The following SEPTIN10 variants were observed in gnomAD, a reference collection of about 807,000 sequenced individuals.
The protein encoded by SEPTIN10 is septin 10.
In SEPTIN10, 66 loss-of-function variants were observed where a neutral mutation model predicts 54.8. The ratio of observed to expected loss-of-function variants is 1.21; its 90% confidence interval spans 0.99 to 1.48. SEPTIN10 has a LOEUF of 1.48. Ranked by LOEUF, SEPTIN10 falls within the 40% of genes most tolerant of loss-of-function variation. SEPTIN10 has a pLI of 0.00. For synonymous variants in SEPTIN10, 161 were observed against 181.0 expected (o/e 0.89, Z 0.89); for missense variants, 620 against 545.6 (o/e 1.14, Z -1.36).
chr2:109,582,880 T>C (rs1264023947), intron 4 of SEPTIN10, among the ~76,000 whole-genome samples: 2 of 152,152 alleles, frequency 1.3e-5, no homozygotes, highest in East Asian at 3.9e-4. Context: ...GCCGCACACC[T>C]ACAGGCATCT....
At chr2:109,602,419 TAATGCCAGCACCTTGGGAGGCCAAGG>T (rs1278470362) in intron 1 of SEPTIN10, among the ~76,000 whole-genome samples, 1 of 152,166 alleles carries the variant, frequency 6.6e-6, no homozygotes, top group African/African-American at 2.4e-5. Flanking sequence ...CTCACGCCTG[TAATGCCAGCACCTTGGGAGGCCAAGG>T]CGGGTGGATC....
At chr2:109,545,205 C>T in intron 10 of SEPTIN10, 2 of 985,328 alleles carry the variant, frequency 2.0e-6, no homozygotes, top group Non-Finnish European at 2.4e-6. Context: ...CAGAGTCCCC[C>T]AAATGAGCAT....
chr2:109,583,962 T>C (rs1293995785), intron 4 of SEPTIN10, among the ~76,000 whole-genome samples: 1 of 152,066 alleles, frequency 6.6e-6, no homozygotes, highest in Non-Finnish European at 1.5e-5. Context: ...GATATAAAGA[T>C]GGCAACAACA....
In SEPTIN10 at chr2:109,560,883, T is replaced by C. The variant is rs563218084; in HGVS notation, c.1028+3483A>G. Among the ~76,000 whole-genome samples, 9 of 152,332 alleles carry C rather than the reference T, an allele frequency of 5.9e-5. No individual in the cohort carries two copies. The South Asian group carries it at 1.9e-3, about 32-fold the overall frequency. ...ACCACTAAGTTCTTCCAATTTTACCTTCTAGTCATCTCTCAAATATGTCCA... is the reference window on the plus strand; with the variant it reads ...ACCACTAAGTTCTTCCAATTTTACCCTCTAGTCATCTCTCAAATATGTCCA... On this transcript the variant is annotated intron_variant, in intron 8 of 10. Coordinates refer to ENST00000397712, the MANE Select transcript of SEPTIN10 (RefSeq NM_144710.5).
At chr2:109,587,898 G>A (rs1692954667) in intron 2 of SEPTIN10, among the ~76,000 whole-genome samples, 1 of 150,636 alleles carries the variant, frequency 6.6e-6, no homozygotes. Context: ...GGGTGACAGA[G>A]CAAGACTCCA....
At chr2:109,553,904 C>T (rs1157825941) in intron 8 of SEPTIN10, among the ~76,000 whole-genome samples, 1 of 151,586 alleles carries the variant, frequency 6.6e-6, no homozygotes, top group African/African-American at 2.4e-5. Flanking sequence ...CAAGTGCTCA[C>T]CTAATGCCAT....
At chr2:109,545,900 G>T (rs1351092716) in intron 10 of SEPTIN10, 150 bp downstream of exon 10, 1 of 1,444,002 alleles carries the variant, frequency 6.9e-7, no homozygotes, top group East Asian at 2.3e-5. Flanking sequence ...GAACAAGAGG[G>T]ACAAGGTCTC....
intron 4 of SEPTIN10, among the ~76,000 whole-genome samples, chr2:109,581,529 A>G (rs1029363037): frequency 1.1e-4 from 14 of 126,508 alleles, no homozygotes; most frequent in Middle Eastern, 4.3e-3. Flanking sequence ...AAGGTCTGGG[A>G]AAAAAAAAAA....
rs779435209 is a variant in SEPTIN10, at chr2:109,553,107, A to G, written c.1141T>C (p.Leu381=). Residue 381 remains leucine, a synonymous_variant, in exon 9 of 11, where the codon TTG becomes CTG. Coordinates refer to ENST00000397712, the MANE Select transcript of SEPTIN10 (RefSeq NM_144710.5). ...VQRVKEKEAI[L]KEAERELQAK... ...CTTGCCTCTCTCTCAGCTTCTTTCAATATGGCTTCTTTCTCCTTTACTCGC... is the reference window on the plus strand; with the variant it reads ...CTTGCCTCTCTCTCAGCTTCTTTCAGTATGGCTTCTTTCTCCTTTACTCGC... 6 of 1,613,010 alleles carry G rather than the reference A, an allele frequency of 3.7e-6. No individual in the cohort carries two copies. The African/African-American group carries it at 5.3e-5, about 14-fold the overall frequency.
chr2:109,600,549 A>C lies in SEPTIN10; in HGVS notation c.31-7430T>G, dbSNP rs73953171. Among the ~76,000 whole-genome samples, 901 of 152,122 alleles carry C rather than the reference A, an allele frequency of 5.9e-3. 17 individuals carry two copies. The highest frequency in any genetic ancestry group is 0.021 in the African/African-American group (853 of 41,518). ...ATTAGCAATGAGTTGAAAAAAAAAA[A>C]AAACCACAAACTGTTTTTCCTCTGC... On this transcript the variant is annotated intron_variant, in intron 1 of 10. Coordinates refer to ENST00000397712, the MANE Select transcript of SEPTIN10 (RefSeq NM_144710.5).
intron 6 of SEPTIN10, among the ~76,000 whole-genome samples, chr2:109,567,230 CA>C (rs1223859619): frequency 6.6e-6 from 1 of 152,104 alleles, no homozygotes; most frequent in South Asian, 2.1e-4. Flanking sequence ...TTAGTAACTC[CA>C]ATGGACATAT....
Position 109,564,462 on chromosome 2 carries a change from C to T in SEPTIN10, c.932G>A (p.Arg311Gln), listed in dbSNP as rs376222124. Residue 311 changes from arginine (R) to glutamine (Q), a missense_variant, in exon 8 of 11, where the codon CGA becomes CAA. By Grantham distance (43) the Arg-to-Gln change is conservative. Coordinates refer to ENST00000397712, the MANE Select transcript of SEPTIN10 (RefSeq NM_144710.5). ...MLICTNMEDLREQTHTRHYEL... is the reference protein window; with the variant it reads ...MLICTNMEDLQEQTHTRHYEL... Reference sequence around the variant, plus strand: ...ATAGTGCCTGGTATGGGTCTGCTCTCGCAGGTCCTCCATATTTGTACAAAT... The same window carrying T: ...ATAGTGCCTGGTATGGGTCTGCTCTTGCAGGTCCTCCATATTTGTACAAAT... The T allele has an allele frequency of 1.5e-5, 24 of 1,593,086 alleles. No individual in the cohort carries two copies. The highest frequency in any genetic ancestry group is 6.9e-5 in the South Asian group (6 of 87,022).
At chr2:109,549,501 T>C (rs1250757020) in intron 9 of SEPTIN10, among the ~76,000 whole-genome samples, 1 of 152,202 alleles carries the variant, frequency 6.6e-6, no homozygotes, top group Non-Finnish European at 1.5e-5. Context: ...TCCATACACA[T>C]GAAGCATGCA....
intron 9 of SEPTIN10, among the ~76,000 whole-genome samples, chr2:109,549,741 T>G (rs968432267): frequency 1.3e-5 from 2 of 152,170 alleles, no homozygotes; most frequent in African/African-American, 4.8e-5. Context: ...TGTTTTTTCC[T>G]ATATATAGAC....
At chr2:109,581,541 C>A (rs1248859732) in intron 4 of SEPTIN10, among the ~76,000 whole-genome samples, 1 of 148,680 alleles carries the variant, frequency 6.7e-6, no homozygotes, top group African/African-American at 2.5e-5. Context: ...AAAAAAAAAA[C>A]CTATTTCAGA....
chr2:109,593,193 T>C (rs910389166), intron 1 of SEPTIN10, 74 bp from the exon 2 acceptor site: 7 of 927,292 alleles, frequency 7.5e-6, no homozygotes, highest in African/African-American at 1.7e-5. Flanking sequence ...GAATAATATA[T>C]TTACATGAAT....
intron 4 of SEPTIN10, among the ~76,000 whole-genome samples, chr2:109,578,922 G>A (rs1389129727): frequency 6.6e-6 from 1 of 152,066 alleles, no homozygotes; most frequent in Non-Finnish European, 1.5e-5. Flanking sequence ...CAAAAGTACA[G>A]ACGTAAGAGC....
At chr2:109,596,043 T>C (rs895952606) in intron 1 of SEPTIN10, among the ~76,000 whole-genome samples, 3 of 152,200 alleles carry the variant, frequency 2.0e-5, no homozygotes, top group Non-Finnish European at 4.4e-5. Flanking sequence ...ATATTTATTT[T>C]ATTTTAGAGA....
intron 10 of SEPTIN10, chr2:109,544,859 GA>G: frequency 1.2e-6 from 1 of 820,266 alleles, no homozygotes; most frequent in South Asian, 5.6e-5. Flanking sequence ...CAATGAACAA[GA>G]TAAAGATCCA....
Sources: gnomAD v4.1 joint callset for allele counts (sites outside exome capture counted in the v4.1 genomes callset) on GRCh38, gnomAD v4.1.1 for gene constraint, MANE v1.5 for transcripts, NCBI Gene and HGNC (gene_info 2026-07-23, HGNC 2026-07-21) for gene names.